CCNY: variants seen among roughly 807,000 people sequenced by gnomAD.
CCNY encodes the protein cyclin Y, also known as cyclin-Y.
CCNY carries 19 observed loss-of-function variants against 42.8 expected under a neutral mutation model. That is an observed-to-expected ratio of 0.44 (90% CI 0.31 to 0.65). CCNY has a LOEUF of 0.65. CCNY is among the 30% of genes least tolerant of loss of function. CCNY has a pLI of 0.07. For synonymous variants in CCNY, 165 were observed against 162.7 expected (o/e 1.01, Z -0.11); for missense variants, 370 against 437.3 (o/e 0.85, Z 1.37).
intron 5 of CCNY, among the ~76,000 whole-genome samples, chr10:35,526,973 C>G (rs2474742): frequency 0.97 from 148,171 of 152,262 alleles, 72,238 homozygotes; most frequent in East Asian, 1. Context: ...GAGCTCAGCC[C>G]GTGGGAGCCC....
intron 1 of CCNY, among the ~76,000 whole-genome samples, chr10:35,409,694 A>G (rs1397092668): frequency 2.0e-5 from 3 of 152,216 alleles, no homozygotes; most frequent in Non-Finnish European, 4.4e-5. Context: ...TTGCGTTAAA[A>G]CAAAAATAAG....
intron 3 of CCNY, among the ~76,000 whole-genome samples, chr10:35,298,821 CTTG>C (rs1246010944): frequency 3.3e-5 from 5 of 152,130 alleles, no homozygotes; most frequent in Non-Finnish European, 5.9e-5. Flanking sequence ...TGCACCTGGC[CTTG>C]TTGTTGTTGT....
intron 1 of CCNY, among the ~76,000 whole-genome samples, chr10:35,473,365 G>A (rs1839429398): frequency 6.6e-6 from 1 of 152,226 alleles, no homozygotes. Context: ...GTGTTACAAT[G>A]ACACCCAGTA....
At chr10:35,265,661 G>A (rs955816727) in intron 3 of CCNY, among the ~76,000 whole-genome samples, 1 of 152,252 alleles carries the variant, frequency 6.6e-6, no homozygotes, top group African/African-American at 2.4e-5. Context: ...GAGGAGCTGA[G>A]GATGCACACA....
In CCNY at chr10:35,431,946, A is replaced by G. The variant is rs541296358; in HGVS notation, c.155-51458A>G. The stretch of plus-strand genomic sequence containing the variant: ...GACATCATGGATTTGTTGGTATGGA[A>G]GTTTATAAGGTATTCAGTTCTGTGT... On this transcript the variant is annotated intron_variant, in intron 1 of 9. Transcript: ENST00000374704. Among the ~76,000 whole-genome samples the G allele has an allele frequency of 2.6e-5, 4 of 152,262 alleles. No homozygotes were observed. The East Asian group carries it at 7.7e-4, about 29-fold the overall frequency.
Position 35,431,115 on chromosome 10 carries a change from CAAAAAAA to C in CCNY, c.155-52280_155-52274del, listed in dbSNP as rs112378512. Among the ~76,000 whole-genome samples the C allele has an allele frequency of 4.6e-5, 5 of 107,692 alleles. No homozygotes were observed. In the South Asian group the frequency reaches 1.5e-3, roughly 31 times the overall value. The allele number at this position is 107,692 out of a possible 152,430, so 70.7% of individuals were successfully genotyped here. A position where few individuals can be genotyped will look rare whatever the true frequency, so the allele number is the denominator to read the frequency against. On this transcript the variant is annotated intron_variant, in intron 1 of 9. Coordinates refer to ENST00000374704, the MANE Select transcript of CCNY (RefSeq NM_145012.6). ...CTGGTGACAGAATGAGACTCCATCT[CAAAAAAA>C]AAAAAAAATTAATACTTACATTAAT...
chr10:35,286,506 C>T lies in CCNY; in HGVS notation c.-9+35880C>T, dbSNP rs375393620. On this transcript the variant is annotated intron_variant, in intron 3 of 11. Transcript: ENST00000374706. ...CCCAAGTACCTCGGATTACAGGCAC[C>T]CTCCACCGTGCCCAGCTAATCTTTG... Among the ~76,000 whole-genome samples the T allele has an allele frequency of 2.6e-5, 4 of 151,866 alleles. No individual in the cohort carries two copies. In the South Asian group the frequency reaches 6.2e-4, roughly 24 times the overall value.
intron 9 of CCNY, among the ~76,000 whole-genome samples, chr10:35,567,963 G>A (rs1841604942): frequency 6.6e-6 from 1 of 152,230 alleles, no homozygotes; most frequent in African/African-American, 2.4e-5. Flanking sequence ...AAGCACAGAT[G>A]TGAGGTAGAA....
At chr10:35,345,313 TAAAAA>T (rs1836277496) in intron 1 of CCNY, among the ~76,000 whole-genome samples, 1 of 152,032 alleles carries the variant, frequency 6.6e-6, no homozygotes, top group Non-Finnish European at 1.5e-5. Flanking sequence ...ATTTGCATTT[TAAAAA>T]ATTAGCTGGG....
At chr10:35,494,282 G>GA (rs1458219132) in intron 2 of CCNY, among the ~76,000 whole-genome samples, 1 of 137,284 alleles carries the variant, frequency 7.3e-6, no homozygotes, top group African/African-American at 2.7e-5. Flanking sequence ...TTTTTTTAAA[G>GA]AAAGAGTTGC....
intron 7 of CCNY, among the ~76,000 whole-genome samples, chr10:35,543,034 T>TA (rs1284755855): frequency 2.6e-5 from 4 of 152,236 alleles, no homozygotes; most frequent in Admixed American, 6.5e-5. Context: ...CATAAACAGA[T>TA]ACCTCAACTT....
chr10:35,569,181 C>T lies in CCNY; in HGVS notation c.*11C>T, dbSNP rs1330901554. The stretch of plus-strand genomic sequence containing the variant: ...GCCATCATCTCTTAACTACGGAGGC[C>T]CGCCGGAGGCCACACCATCCCTTAG... On this transcript the variant is annotated 3_prime_UTR_variant, in exon 10 of 10. Coordinates refer to ENST00000374704, the MANE Select transcript of CCNY (RefSeq NM_145012.6). 2.1e-6 allele frequency: 3 copies of T among 1,436,720 alleles called. No individual in the cohort carries two copies. Among genetic ancestry groups the T allele is most frequent in the Non-Finnish European group, 2.9e-6 (3 of 1,021,840 alleles). 89.0% of individuals were successfully genotyped at this position (1,436,720 alleles called of 1,614,324 possible). A position where few individuals can be genotyped will look rare whatever the true frequency, so the allele number is the denominator to read the frequency against.
intron 1 of CCNY, among the ~76,000 whole-genome samples, chr10:35,473,150 G>A (rs1839424259): frequency 6.6e-6 from 1 of 152,212 alleles, no homozygotes; most frequent in Non-Finnish European, 1.5e-5. Flanking sequence ...GCACTCTGAT[G>A]TGTCATGTAC....
chr10:35,262,679 A>T (rs1361444831), intron 3 of CCNY, among the ~76,000 whole-genome samples: 2 of 152,076 alleles, frequency 1.3e-5, no homozygotes, highest in African/African-American at 4.8e-5. Context: ...GTCAATTATA[A>T]ACTAATTATA....
chr10:35,294,519 T>C (rs956701612), intron 3 of CCNY, among the ~76,000 whole-genome samples: 2 of 152,256 alleles, frequency 1.3e-5, no homozygotes, highest in Non-Finnish European at 2.9e-5. Flanking sequence ...GAGATAATCT[T>C]GTGTTTTTTT....
rs889306959 is a variant in CCNY at position 35,284,339 on chromosome 10, T to TA, written c.-9+33714dup. Among the ~76,000 whole-genome samples, 13 of 152,262 alleles carry TA rather than the reference T, an allele frequency of 8.5e-5. 1 individual carries two copies. In the South Asian group the frequency reaches 2.3e-3, roughly 27 times the overall value. On this transcript the variant is annotated intron_variant, in intron 3 of 11. Coordinates refer to the CCNY transcript ENST00000374706. ...ATCACCATAATCATGAAAATGAGCA[T>TA]ATCCCTCATTCCCAAAGTGTCCTCA...
At chr10:35,526,749 G>A (rs1840660935) in intron 5 of CCNY, among the ~76,000 whole-genome samples, 2 of 145,740 alleles carry the variant, frequency 1.4e-5, no homozygotes, top group South Asian at 2.2e-4. Context: ...TTCCAGTTTT[G>A]ACCACACCTA....
chr10:35,561,270 G>A (rs981970803), intron 8 of CCNY, among the ~76,000 whole-genome samples: 3 of 152,302 alleles, frequency 2.0e-5, no homozygotes, highest in East Asian at 1.9e-4. Flanking sequence ...GGTGGGAGGC[G>A]TTTGGGCAGG....
In CCNY at chr10:35,529,997, A is replaced by G. The variant is rs750143521; in HGVS notation, c.426A>G (p.Leu142=). 8 of 1,614,044 alleles carry G rather than the reference A, an allele frequency of 5.0e-6. No homozygotes were observed. The highest frequency in any genetic ancestry group is 6.8e-6 in the Non-Finnish European group (8 of 1,179,904). Residue 142 remains leucine (L), a synonymous_variant, in exon 6 of 10, where the codon TTA becomes TTG. Transcript: ENST00000374704. Reference sequence around the variant, plus strand: ...GGGACCCAGATGGAAGGATGCTCTTAGATATTTTTGATGAAAATCTTCACC... The same window carrying G: ...GGGACCCAGATGGAAGGATGCTCTTGGATATTTTTGATGAAAATCTTCACC... ...KNRDPDGRML[L]DIFDENLHPL... is the part of the protein sequence containing the mutation.
Sources: gnomAD v4.1 joint callset for allele counts (sites outside exome capture counted in the v4.1 genomes callset) on GRCh38, gnomAD v4.1.1 for gene constraint, MANE v1.5 for transcripts, NCBI Gene and HGNC (gene_info 2026-07-23, HGNC 2026-07-21) for gene names.